SAE1: variants seen among roughly 807,000 people sequenced by gnomAD.
SAE1 encodes the protein SUMO1 activating enzyme subunit 1.
In SAE1, 11 loss-of-function variants were observed where a neutral mutation model predicts 40.6. The ratio of observed to expected loss-of-function variants is 0.27; its 90% confidence interval spans 0.17 to 0.45. SAE1 has a LOEUF of 0.45. SAE1 is among the 20% of genes least tolerant of loss of function. SAE1 has a pLI of 1.00. For synonymous variants in SAE1, 155 were observed against 154.3 expected (o/e 1.00, Z -0.03); for missense variants, 373 against 427.3 (o/e 0.87, Z 1.12).
chr19:47,149,072 C>T (rs2058271228), intron 2 of SAE1, among the ~76,000 whole-genome samples: 2 of 151,498 alleles, frequency 1.3e-5, no homozygotes, highest in South Asian at 4.2e-4. Flanking sequence ...TAGTCTTGAG[C>T]TCCTGGCCTC....
intron 6 of SAE1, among the ~76,000 whole-genome samples, chr19:47,175,106 GA>G (rs1358129594): frequency 7.4e-4 from 84 of 113,760 alleles, no homozygotes; most frequent in Non-Finnish European, 1.2e-3. Context: ...AAGTGGCCTT[GA>G]TTTTTTTTTT....
At chr19:47,140,787 C>A (rs764457461) in intron 1 of SAE1, among the ~76,000 whole-genome samples, 7 of 152,052 alleles carry the variant, frequency 4.6e-5, no homozygotes, top group Non-Finnish European at 1.0e-4. Flanking sequence ...CAGAATGAGA[C>A]CCTGTTTCAA....
At chr19:47,155,419 A>G (rs1423254675) in intron 5 of SAE1, among the ~76,000 whole-genome samples, 1 of 152,096 alleles carries the variant, frequency 6.6e-6, no homozygotes, top group Non-Finnish European at 1.5e-5. Context: ...GGATTTTTCA[A>G]GACAATGAGA....
At chr19:47,131,210 T>A in intron 1 of SAE1, 182 bp downstream of exon 1, 1 of 1,367,292 alleles carries the variant, frequency 7.3e-7, no homozygotes, top group Non-Finnish European at 9.4e-7. Context: ...CTGGAAGGTC[T>A]GGGAAGTGGT....
chr19:47,163,062 A>C (rs2058368773), intron 5 of SAE1, among the ~76,000 whole-genome samples: 1 of 152,134 alleles, frequency 6.6e-6, no homozygotes. Context: ...CAAGTTAATG[A>C]AATGTTAATC....
chr19:47,163,895 G>A (rs1349102716), intron 5 of SAE1, among the ~76,000 whole-genome samples: 1 of 151,658 alleles, frequency 6.6e-6, no homozygotes, highest in Non-Finnish European at 1.5e-5. Flanking sequence ...TCAGCCTCCC[G>A]AGTAGCTGGG....
chr19:47,200,024 G>A (rs900983939), intron 7 of SAE1, among the ~76,000 whole-genome samples: 5 of 151,516 alleles, frequency 3.3e-5, no homozygotes, highest in Middle Eastern at 6.8e-3. Flanking sequence ...TCCGCCTCCC[G>A]GGTTCACGCC....
intron 8 of SAE1, among the ~76,000 whole-genome samples, chr19:47,206,910 G>A (rs374546697): frequency 2.4e-4 from 37 of 152,180 alleles, no homozygotes; most frequent in African/African-American, 7.2e-4. Flanking sequence ...GCCCAGAGAA[G>A]CAAACTTCTT....
rs564534331 is a variant in SAE1, at chr19:47,194,544, G to T, written c.734-2689G>T. 8.5e-4 allele frequency among the ~76,000 whole-genome samples: 130 copies of T among 152,294 alleles called. 1 individual carries two copies. The highest frequency in any genetic ancestry group is 3.0e-3 in the African/African-American group (123 of 41,556). On this transcript the variant is annotated intron_variant, in intron 6 of 8. Coordinates refer to ENST00000270225, the MANE Select transcript of SAE1 (RefSeq NM_005500.3). ...AAGCACTCAGGGCTTGGGCCTAGAA[G>T]CTGATCCATGTCTCTGTGTCTGTTC...
chr19:47,148,295 C>T (rs1289064594), intron 2 of SAE1, among the ~76,000 whole-genome samples: 3 of 151,954 alleles, frequency 2.0e-5, no homozygotes, highest in East Asian at 1.9e-4. Context: ...GGGAAGTGGG[C>T]CAGCTCATTT....
chr19:47,187,992 T>TA (rs919230697), intron 6 of SAE1, among the ~76,000 whole-genome samples: 7 of 152,134 alleles, frequency 4.6e-5, no homozygotes, highest in Admixed American at 3.9e-4. Context: ...CCACAGAGCA[T>TA]AAAAATCTAA....
At chr19:47,155,782 T>C (rs2058320155) in intron 5 of SAE1, among the ~76,000 whole-genome samples, 1 of 136,780 alleles carries the variant, frequency 7.3e-6, no homozygotes, top group Non-Finnish European at 1.6e-5. Flanking sequence ...GGAGTCTTGC[T>C]GTGTCCAGGC....
chr19:47,201,689 A>G (rs2058656442), intron 7 of SAE1, among the ~76,000 whole-genome samples: 1 of 151,926 alleles, frequency 6.6e-6, no homozygotes, highest in South Asian at 2.1e-4. Context: ...GCTGGAGTGC[A>G]GTGGCACCAT....
intron 5 of SAE1, among the ~76,000 whole-genome samples, chr19:47,169,074 T>G (rs899815259): frequency 6.6e-6 from 1 of 152,230 alleles, no homozygotes; most frequent in Non-Finnish European, 1.5e-5. Flanking sequence ...TTTCTCTTGC[T>G]GTTATTTATT....
chr19:47,164,888 G>A (rs1161138731), intron 5 of SAE1, among the ~76,000 whole-genome samples: 2 of 151,372 alleles, frequency 1.3e-5, no homozygotes, highest in South Asian at 2.1e-4. Flanking sequence ...TCCTGACCTC[G>A]TGATCCGCCT....
chr19:47,132,799 C>A (rs1187575556), intron 1 of SAE1, among the ~76,000 whole-genome samples: 1 of 151,204 alleles, frequency 6.6e-6, no homozygotes, highest in African/African-American at 2.4e-5. Context: ...GAGGTGGGAG[C>A]ATCACCTGAG....
chr19:47,197,216 C>A lies in SAE1; in HGVS notation c.734-17C>A, dbSNP rs746795886. 1.2e-4 allele frequency: 186 copies of A among 1,576,250 alleles called. No homozygotes were observed. Among genetic ancestry groups the A allele is most frequent in the Non-Finnish European group, 1.4e-4 (168 of 1,166,888 alleles). ...AAAAAGTGGCTTTATAACCTGCCTT[C>A]TTTTTCTTATTCCCAGTGCTCTTAA... On this transcript the variant is annotated splice_polypyrimidine_tract_variant and intron_variant, in intron 6 of 8. Transcript: ENST00000270225.
At chr19:47,184,798 TTTTTG>T (rs201318034) in intron 6 of SAE1, among the ~76,000 whole-genome samples, 48,750 of 148,362 alleles carry the variant, frequency 0.33, 10,854 homozygotes, top group African/African-American at 0.61. Flanking sequence ...TTTTGTTTTG[TTTTTG>T]TTTTGTTTTG....
At chr19:47,204,500 A>ACCCC (rs35006784) in intron 8 of SAE1, among the ~76,000 whole-genome samples, 8 of 97,560 alleles carry the variant, frequency 8.2e-5, no homozygotes, top group Middle Eastern at 7.6e-3. Context: ...ACCCAGCCGC[A>ACCCC]CCCCCCCCCT....
Sources: gnomAD v4.1 joint callset for allele counts (sites outside exome capture counted in the v4.1 genomes callset) on GRCh38, gnomAD v4.1.1 for gene constraint, MANE v1.5 for transcripts, NCBI Gene and HGNC (gene_info 2026-07-23, HGNC 2026-07-21) for gene names.